Variants in MZT2B observed in about 807,000 individuals in gnomAD.
MZT2B encodes the protein mitotic spindle organizing protein 2B.
Under a neutral mutation model 12.1 loss-of-function variants are expected in MZT2B, and 11 were observed. That is an observed-to-expected ratio of 0.91 (90% CI 0.57 to 1.50). The LOEUF (loss-of-function observed/expected upper bound fraction) is 1.50. Among genes scored for constraint, MZT2B ranks in the 40% most tolerant of loss-of-function variants. The probability of loss-of-function intolerance (pLI) is 0.00; values close to 1 mark genes in which losing one functional copy is unlikely to be tolerated. For synonymous variants in MZT2B, 85 were observed against 109.5 expected (o/e 0.78, Z 1.40); for missense variants, 209 against 227.7 (o/e 0.92, Z 0.53).
the MZT2B span, among the ~76,000 whole-genome samples, chr2:130,198,029 T>C: frequency 2.4e-5 from 3 of 123,464 alleles, no homozygotes; most frequent in African/African-American, 5.8e-5. Context: ...TCCTCAGCTG[T>C]TTCCAGTAGC....
intron 2 of MZT2B, chr2:130,183,689 C>G: frequency 6.5e-7 from 1 of 1,547,836 alleles, no homozygotes; most frequent in Non-Finnish European, 8.7e-7. Context: ...CCTGGGCACC[C>G]ACACCCGCTG....
chr2:130,182,035 C>T, upstream of MZT2B: 3 of 1,348,912 alleles, frequency 2.2e-6, no homozygotes, highest in Non-Finnish European at 2.9e-6. Flanking sequence ...AGGCCCAGAT[C>T]GCCAAGCAGC....
At chr2:130,184,474 G>A (rs1259068903) in intron 2 of MZT2B, 1 of 985,372 alleles carries the variant, frequency 1.0e-6, no homozygotes, top group East Asian at 1.1e-4. Flanking sequence ...CCTCACTCCT[G>A]AGTTAGCACA....
At chr2:130,199,932 C>T in the MZT2B span, among the ~76,000 whole-genome samples, 1 of 151,714 alleles carries the variant, frequency 6.6e-6, no homozygotes, top group Non-Finnish European at 1.5e-5. Context: ...CCTGTTTCTA[C>T]TAAAAATACA....
the MZT2B span, chr2:130,198,364 G>C: frequency 1.5e-6 from 2 of 1,356,582 alleles, 1 homozygote; most frequent in Non-Finnish European, 2.0e-6. Context: ...TTACCATGGC[G>C]AACTCCGCTG....
chr2:130,181,723 C>T (rs771944856), upstream of MZT2B: 25 of 1,548,786 alleles, frequency 1.6e-5, no homozygotes, highest in Non-Finnish European at 2.1e-5. Context: ...AGAGAAATGG[C>T]GAGGCAGGAG....
chr2:130,203,449 C>A, the MZT2B span, among the ~76,000 whole-genome samples: 1 of 151,952 alleles, frequency 6.6e-6, no homozygotes, highest in African/African-American at 2.4e-5. Context: ...GACTAAACAG[C>A]CAGACTGTTG....
intron 2 of MZT2B, chr2:130,184,594 A>G (rs1689984903): frequency 1.0e-6 from 1 of 985,196 alleles, no homozygotes; most frequent in Non-Finnish European, 1.2e-6. Flanking sequence ...CGCCCACCTC[A>G]CTGCCACCCA....
At chr2:130,197,622 G>C in the MZT2B span, among the ~76,000 whole-genome samples, 2 of 126,752 alleles carry the variant, frequency 1.6e-5, no homozygotes, top group African/African-American at 5.5e-5. Flanking sequence ...TTTTTGTTTG[G>C]TTTTTTGAGG....
chr2:130,200,968 C>T, the MZT2B span, among the ~76,000 whole-genome samples: 1 of 152,160 alleles, frequency 6.6e-6, no homozygotes, highest in Non-Finnish European at 1.5e-5. Flanking sequence ...GCTGGCTTAC[C>T]CCCAGCTCAT....
chr2:130,197,373 G>A, the MZT2B span, among the ~76,000 whole-genome samples: 1,896 of 75,420 alleles, frequency 0.025, 66 homozygotes, highest in Non-Finnish European at 0.03. Flanking sequence ...TGTAGTACCA[G>A]CTACTCGGAA....
the MZT2B span, among the ~76,000 whole-genome samples, chr2:130,202,891 G>A: frequency 0.037 from 5,560 of 151,968 alleles, 153 homozygotes; most frequent in African/African-American, 0.12. Flanking sequence ...ATCTTAGTAA[G>A]GACAGGGAAC....
the MZT2B span, chr2:130,196,243 G>A: frequency 4.6e-5 from 74 of 1,613,838 alleles, no homozygotes; most frequent in East Asian, 8.9e-5. Flanking sequence ...AGTCGTCCCC[G>A]CCACCAATGG....
At chr2:130,190,325 C>G in intron 2 of MZT2B, 144 bp from the exon 3 acceptor site, 1 of 1,301,066 alleles carries the variant, frequency 7.7e-7, no homozygotes, top group Non-Finnish European at 1.1e-6. Context: ...AGTCTCAGGA[C>G]TTGGGGCTGA....
rs533839067 is a variant in MZT2B at position 130,190,143 on chromosome 2, G to C, written c.320-326G>C. On this transcript the variant is annotated intron_variant, in intron 2 of 2. Coordinates refer to ENST00000281871, the MANE Select transcript of MZT2B (RefSeq NM_025029.5). ...CAGACTAGGTTTGCTGACCAGGCTA[G>C]GTGTGGACCAGCACACCTACCTTTC... is the stretch of plus-strand genomic sequence containing the variant. Among the ~76,000 whole-genome samples, 10 of 152,348 alleles carry C rather than the reference G, an allele frequency of 6.6e-5. No individual in the cohort carries two copies. The South Asian group carries it at 2.1e-3, about 32-fold the overall frequency.
chr2:130,196,149 C>A, the MZT2B span: 14 of 1,611,620 alleles, frequency 8.7e-6, no homozygotes, highest in South Asian at 1.5e-4. Context: ...AGGCACCTAC[C>A]GACCACAGTG....
chr2:130,186,104 G>A (rs1430705909), intron 2 of MZT2B, among the ~76,000 whole-genome samples: 1 of 152,072 alleles, frequency 6.6e-6, no homozygotes, highest in Non-Finnish European at 1.5e-5. Context: ...AGCTCCGGCT[G>A]CCCTGGTAAT....
At chr2:130,183,622 A>C in intron 2 of MZT2B, 2 of 1,188,934 alleles carry the variant, frequency 1.7e-6, no homozygotes. Context: ...GGAGACCCGC[A>C]CAGGCATCCT....
downstream of MZT2B, chr2:130,191,939 C>T (rs757453340): frequency 6.8e-6 from 11 of 1,613,944 alleles, no homozygotes; most frequent in African/African-American, 1.3e-5. Flanking sequence ...AGAACTCTCC[C>T]TCTTCCATGC....
Sources: gnomAD v4.1 joint callset for allele counts (sites outside exome capture counted in the v4.1 genomes callset) on GRCh38, gnomAD v4.1.1 for gene constraint, MANE v1.5 for transcripts, NCBI Gene and HGNC (gene_info 2026-07-23, HGNC 2026-07-21) for gene names.